The following TBL1Y variants were observed in gnomAD, a reference collection of about 807,000 sequenced individuals.
TBL1Y encodes transducin beta like 1 Y-linked.
Under a neutral mutation model 12.0 loss-of-function variants are expected in TBL1Y, and 15 were observed. The observed-to-expected ratio is 1.25, with a 90% CI of 0.83 to 1.92. TBL1Y has a LOEUF of 1.92. Among genes scored for constraint, TBL1Y ranks in the 40% most tolerant of loss-of-function variants. TBL1Y has a pLI of 0.00. For missense variants in TBL1Y, 148 were observed against 116.7 expected, an observed-to-expected ratio of 1.27 and a Z score of -1.24; for synonymous variants, 53 against 42.6, an observed-to-expected ratio of 1.24 and a Z score of -0.95.
intron 4 of TBL1Y, among the ~76,000 whole-genome samples, chrY:7,001,792 G>A: frequency 2.9e-5 from 1 of 34,068 alleles, no homozygotes. Flanking sequence ...GTGAAGTCTA[G>A]TAATAGCATG....
At chrY:7,017,968 G>A in intron 4 of TBL1Y, among the ~76,000 whole-genome samples, 4 of 33,418 alleles carry the variant, frequency 1.2e-4, no homozygotes, top group African/African-American at 3.5e-4. Flanking sequence ...AGACACCAGC[G>A]GACTGATACA....
chrY:6,962,856 G>T, intron 2 of TBL1Y, among the ~76,000 whole-genome samples: 1 of 33,293 alleles, frequency 3.0e-5, no homozygotes, highest in Non-Finnish European at 7.4e-5. Context: ...ATTTTATCTG[G>T]GTCACTTCCA....
At chrY:7,017,422 A>G in intron 4 of TBL1Y, among the ~76,000 whole-genome samples, 1 of 33,581 alleles carries the variant, frequency 3.0e-5, no homozygotes, top group Non-Finnish European at 7.3e-5. Context: ...GGTTTTTCTT[A>G]TATGAATGGG....
chrY:6,912,784 C>T, intron 2 of TBL1Y, among the ~76,000 whole-genome samples: 1 of 23,801 alleles, frequency 4.2e-5, no homozygotes, highest in Non-Finnish European at 9.2e-5. Context: ...GAGCTGCTTT[C>T]GCACTATTGC....
chrY:7,090,057 T>C (rs890505895), intron 17 of TBL1Y, 32 bp from the exon 18 acceptor site: 1 of 359,733 alleles, frequency 2.8e-6, no homozygotes, highest in African/African-American at 6.6e-5. Context: ...CCCTTCTCAC[T>C]ATAAGTAATA....
intron 2 of TBL1Y, among the ~76,000 whole-genome samples, chrY:6,960,307 A>G: frequency 2.1e-4 from 7 of 33,855 alleles, no homozygotes. Flanking sequence ...CAACTAGCGT[A>G]TAAGGGGGTT....
At chrY:7,044,380 C>T (rs946911947) in intron 7 of TBL1Y, among the ~76,000 whole-genome samples, 4 of 32,154 alleles carry the variant, frequency 1.2e-4, no homozygotes, top group Admixed American at 8.5e-4. Context: ...GCCTGCAGTC[C>T]GTGTTATTGA....
At chrY:6,997,043 A>G in intron 4 of TBL1Y, among the ~76,000 whole-genome samples, 1 of 33,878 alleles carries the variant, frequency 3.0e-5, no homozygotes, top group Non-Finnish European at 7.3e-5. Flanking sequence ...TTAAAGCCAC[A>G]AAGGATGTCT....
At chrY:6,943,758 T>A (rs2011967890) in intron 2 of TBL1Y, among the ~76,000 whole-genome samples, 1 of 34,096 alleles carries the variant, frequency 2.9e-5, no homozygotes, top group Non-Finnish European at 7.3e-5. Flanking sequence ...AACTAAAGCA[T>A]GAAGATGGTC....
rs781446904 is a variant in TBL1Y, at chrY:7,056,971, G to T, written c.205-6926G>T. The stretch of plus-strand genomic sequence containing the variant: ...ATCCCTGACTCACGTGGCCCCTCCT[G>T]CTGTGTCGTTCCTCTATTGGCTAGG... On this transcript the variant is annotated intron_variant, in intron 7 of 18. Transcript: ENST00000383032. Among the ~76,000 whole-genome samples the T allele has an allele frequency of 2.7e-3, 90 of 33,655 alleles. No individual in the cohort carries two copies. The East Asian group carries it at 0.07, about 26-fold the overall frequency. The allele number at this position is 33,655 out of a possible 37,273, so 90.3% of individuals were successfully genotyped here.
At chrY:7,032,764 C>T in intron 6 of TBL1Y, among the ~76,000 whole-genome samples, 1 of 33,509 alleles carries the variant, frequency 3.0e-5, no homozygotes, top group African/African-American at 1.2e-4. Flanking sequence ...AAGAAACCTC[C>T]AGAGTAATGT....
intron 8 of TBL1Y, among the ~76,000 whole-genome samples, chrY:7,067,674 A>T: frequency 3.0e-5 from 1 of 33,350 alleles, no homozygotes; most frequent in African/African-American, 1.2e-4. Context: ...GGTACTTGTC[A>T]TCCTAAGCCA....
intron 7 of TBL1Y, among the ~76,000 whole-genome samples, chrY:7,048,182 A>C: frequency 3.0e-5 from 1 of 33,823 alleles, no homozygotes; most frequent in Non-Finnish European, 7.3e-5. Context: ...TTACAAACGC[A>C]GTACAATTTT....
At chrY:7,001,702 G>T (rs2012454294) in intron 4 of TBL1Y, among the ~76,000 whole-genome samples, 1 of 34,206 alleles carries the variant, frequency 2.9e-5, no homozygotes, top group South Asian at 6.5e-4. Context: ...AGAATGACTG[G>T]AGGTTTTTAA....
intron 4 of TBL1Y, among the ~76,000 whole-genome samples, chrY:7,008,443 G>T (rs192830874): frequency 3.7e-4 from 12 of 32,762 alleles, no homozygotes; most frequent in African/African-American, 9.6e-4. Flanking sequence ...CTGCATGTTT[G>T]TCTTTGTACC....
intron 6 of TBL1Y, among the ~76,000 whole-genome samples, chrY:7,041,386 A>G: frequency 3.0e-5 from 1 of 33,587 alleles, no homozygotes. Flanking sequence ...TGAGCCAAGA[A>G]TGCAGTGAGG....
intron 2 of TBL1Y, among the ~76,000 whole-genome samples, chrY:6,974,221 C>T: frequency 6.0e-5 from 2 of 33,571 alleles, no homozygotes; most frequent in Non-Finnish European, 1.5e-4. Context: ...CTGTCAGTGC[C>T]GCAAGGGAAG....
At chrY:7,088,505 G>A (rs749026081) in intron 17 of TBL1Y, among the ~76,000 whole-genome samples, 2 of 32,392 alleles carry the variant, frequency 6.2e-5, no homozygotes, top group East Asian at 8.4e-4. Flanking sequence ...TGGACCCTGC[G>A]TAGAGCCAAC....
intron 2 of TBL1Y, among the ~76,000 whole-genome samples, chrY:6,970,043 A>G: frequency 6.2e-5 from 2 of 32,506 alleles, no homozygotes; most frequent in Non-Finnish European, 1.5e-4. Context: ...TACCTCCCTT[A>G]ATACGATATT....
Sources: allele counts gnomAD v4.1 joint callset (sites outside exome capture counted in the v4.1 genomes callset), GRCh38; gene constraint gnomAD v4.1.1; transcripts MANE v1.5; gene names NCBI Gene and HGNC (gene_info 2026-07-23, HGNC 2026-07-21).